Variants in CDH22 observed in about 807,000 individuals in gnomAD.
CDH22 encodes the protein cadherin 22.
A neutral mutation model predicts 58.4 loss-of-function variants in CDH22; 30 were observed. The observed-to-expected ratio is 0.51, with a 90% confidence interval of 0.38 to 0.70. CDH22 has a LOEUF of 0.70. CDH22 is among the 30% of genes least tolerant of loss of function. CDH22 has a pLI of 0.00. For synonymous variants in CDH22, 513 were observed against 558.2 expected, an observed-to-expected ratio of 0.92 and a Z score of 1.14; for missense variants, 1,014 against 1,233.9, an observed-to-expected ratio of 0.82 and a Z score of 2.67.
rs762786086 is a variant in CDH22, at chr20:46,174,971, G to T, written c.2022C>A (p.Gly674=). Residue 674 remains glycine (G), a synonymous_variant, in exon 12 of 12, where the codon GGC becomes GGA. Transcript: ENST00000537909. The surrounding 1 kb of genome is among the most constrained non-coding windows in gnomAD (Gnocchi z 4.4). ...RDNVIKYNDE[G]GGEQDTEAYD... The stretch of plus-strand genomic sequence containing the variant: ...AGGCTTCGGTGTCCTGCTCGCCGCC[G>T]CCTTCGTCGTTGTATTTGATGACGT... 4 of 1,601,574 alleles carry T rather than the reference G, an allele frequency of 2.5e-6. No homozygotes were observed. Among genetic ancestry groups the T allele is most frequent in the Non-Finnish European group, 2.5e-6 (3 of 1,177,504 alleles).
At chr20:46,253,525 G>A (rs970498193) in intron 1 of CDH22, among the ~76,000 whole-genome samples, 32 of 152,266 alleles carry the variant, frequency 2.1e-4, no homozygotes, top group African/African-American at 7.5e-4. Context: ...ACCCTGCCTG[G>A]TATGACTTCT....
chr20:46,226,256 CTT>C (rs2086171599), intron 4 of CDH22, among the ~76,000 whole-genome samples: 5 of 13,324 alleles, frequency 3.8e-4, no homozygotes, highest in Non-Finnish European at 7.8e-4. Context: ...TCTTCTTCTT[CTT>C]CTTCTTCTTC....
At chr20:46,278,914 C>T (rs1040549523) in intron 1 of CDH22, among the ~76,000 whole-genome samples, 2 of 152,142 alleles carry the variant, frequency 1.3e-5, no homozygotes, top group Non-Finnish European at 2.9e-5. Context: ...GCTCTGGGTC[C>T]GGAATGGCCC....
chr20:46,287,958 G>A (rs1034747035), intron 1 of CDH22, among the ~76,000 whole-genome samples: 1 of 152,106 alleles, frequency 6.6e-6, no homozygotes, highest in Non-Finnish European at 1.5e-5. Context: ...AGAGACATAC[G>A]GAAGGCAGAA....
At chr20:46,273,607 G>A (rs1015189818) in intron 1 of CDH22, among the ~76,000 whole-genome samples, 2 of 152,226 alleles carry the variant, frequency 1.3e-5, no homozygotes, top group African/African-American at 4.8e-5. Context: ...CTAACAGAGC[G>A]CTGTGCTCAG....
chr20:46,282,825 C>T (rs1297680894), intron 1 of CDH22, among the ~76,000 whole-genome samples: 1 of 152,134 alleles, frequency 6.6e-6, no homozygotes, highest in Non-Finnish European at 1.5e-5. Context: ...AACCCGTAAT[C>T]CCTGCCTAAT....
intron 1 of CDH22, among the ~76,000 whole-genome samples, chr20:46,264,867 C>T (rs963895119): frequency 4.1e-5 from 6 of 148,068 alleles, no homozygotes; most frequent in Admixed American, 2.0e-4. Context: ...ACACACACAC[C>T]GTGCGCACAC....
chr20:46,188,141 C>G (rs191854957), intron 8 of CDH22, among the ~76,000 whole-genome samples: 2 of 152,252 alleles, frequency 1.3e-5, no homozygotes, highest in African/African-American at 2.4e-5. Flanking sequence ...ATGAATGAAG[C>G]CTGGAAAAAT....
rs1421866161 is a variant in CDH22, at chr20:46,302,417, G to A, written c.-400+5838C>T. On this transcript the variant is annotated intron_variant, in intron 1 of 11. Transcript: ENST00000537909. Reference sequence around the variant, plus strand: ...GACATTGCCAAGAGTCCTCTGGGGGGCAAAATTGCCCCCAGTTGAAAAACA... The same window carrying A: ...GACATTGCCAAGAGTCCTCTGGGGGACAAAATTGCCCCCAGTTGAAAAACA... 2.0e-5 allele frequency among the ~76,000 whole-genome samples: 3 copies of A among 152,216 alleles called. No individual in the cohort carries two copies. The East Asian group carries it at 5.8e-4, about 29-fold the overall frequency.
Position 46,241,230 on chromosome 20 carries a change from C to T in CDH22, c.283G>A (p.Gly95Arg), listed in dbSNP as rs781538016. The change falls in exon 3 of 12, where the codon GGG becomes AGG. Residue 95 changes from glycine to arginine, a missense_variant. Physicochemically the swap from Gly to Arg is moderately radical, Grantham distance 125. This residue lies in a region of CDH22 where 806 missense variants were observed against 1,038.7 expected (regional missense o/e 0.78). Coordinates refer to ENST00000537909, the MANE Select transcript of CDH22 (RefSeq NM_021248.3). This position sits in a 1 kb window ranked among gnomAD's most constrained non-coding sequence, Gnocchi z 5.2. ...KIHSDSDEGD[G>R]AIKYTISGEG... is the part of the protein sequence containing the mutation. The stretch of plus-strand genomic sequence containing the variant: ...CCTGAGATGGTGTACTTGATGGCCC[C>T]GTCACCCTCGTCTGAGTCGGAGTGG... 10 of 1,609,252 alleles carry T rather than the reference C, an allele frequency of 6.2e-6. No individual in the cohort carries two copies. Among genetic ancestry groups the T allele is most frequent in the Admixed American group, 5.0e-5 (3 of 59,802 alleles).
At chr20:46,215,570 G>T (rs1204938728) in intron 5 of CDH22, among the ~76,000 whole-genome samples, 1 of 152,220 alleles carries the variant, frequency 6.6e-6, no homozygotes, top group African/African-American at 2.4e-5. Context: ...GCATATTAGG[G>T]CTTCTGGGGT....
chr20:46,277,672 C>G (rs1251714071), intron 1 of CDH22, among the ~76,000 whole-genome samples: 4 of 151,884 alleles, frequency 2.6e-5, no homozygotes, highest in Non-Finnish European at 5.9e-5. Context: ...GGCCCGCCCC[C>G]CACTGGTCCA....
chr20:46,246,647 G>A (rs1046165498), intron 2 of CDH22, among the ~76,000 whole-genome samples: 2 of 152,162 alleles, frequency 1.3e-5, no homozygotes, highest in Non-Finnish European at 2.9e-5. Flanking sequence ...GGGCCTTGGC[G>A]ACAACCGCGG....
At chr20:46,297,398 G>A (rs1463872362) in intron 1 of CDH22, among the ~76,000 whole-genome samples, 1 of 151,970 alleles carries the variant, frequency 6.6e-6, no homozygotes, top group Non-Finnish European at 1.5e-5. Flanking sequence ...ATGGAACGGG[G>A]GCTCAGGGAT....
At chr20:46,175,105 A>C (rs560978908) in intron 11 of CDH22, 28 bp from the exon 12 acceptor site, 2 of 1,564,586 alleles carry the variant, frequency 1.3e-6, no homozygotes, top group South Asian at 2.3e-5. Context: ...GGGGCAACTG[A>C]GGGCCAAGCC....
intron 1 of CDH22, among the ~76,000 whole-genome samples, chr20:46,254,989 G>A (rs1241456774): frequency 6.6e-6 from 1 of 152,124 alleles, no homozygotes; most frequent in African/African-American, 2.4e-5. Flanking sequence ...GCAAAGGCCT[G>A]GAGTCAGATC....
intron 4 of CDH22, among the ~76,000 whole-genome samples, chr20:46,222,153 G>A (rs984435560): frequency 4.6e-5 from 7 of 152,180 alleles, no homozygotes; most frequent in Non-Finnish European, 7.3e-5. Flanking sequence ...CCAGCAGCAG[G>A]CCTCACATTT....
At chr20:46,263,406 CTG>C (rs3081942) in intron 1 of CDH22, among the ~76,000 whole-genome samples, 90 of 150,490 alleles carry the variant, frequency 6.0e-4, no homozygotes, top group South Asian at 4.9e-3. Context: ...GCCTTCCATT[CTG>C]TGTGTGTGTG....
At chr20:46,215,666 C>T (rs566990287) in intron 5 of CDH22, among the ~76,000 whole-genome samples, 8 of 152,190 alleles carry the variant, frequency 5.3e-5, no homozygotes, top group East Asian at 3.9e-4. Context: ...ATAAGAAAGA[C>T]GGAAAGAAAA....
Sources: gnomAD v4.1 joint callset for allele counts (sites outside exome capture counted in the v4.1 genomes callset) on GRCh38, gnomAD v4.1.1 for gene constraint, gnomAD v4.1.1 regional missense constraint, Gnocchi (gnomAD v3.1) non-coding constraint, MANE v1.5 for transcripts, NCBI Gene and HGNC (gene_info 2026-07-23, HGNC 2026-07-21) for gene names.